MCTP1: variants seen among roughly 807,000 people sequenced by gnomAD.
MCTP1 encodes multiple C2 and transmembrane domain containing 1.
In MCTP1, 69 loss-of-function variants were observed where a neutral mutation model predicts 120.6. The ratio of observed to expected loss-of-function variants is 0.57; its 90% CI spans 0.47 to 0.70. MCTP1 has a LOEUF of 0.70. Among genes scored for constraint, MCTP1 ranks in the 30% least tolerant of loss-of-function variants. The pLI, the probability that MCTP1 is intolerant of heterozygous loss-of-function variation, is 0.00. For synonymous variants in MCTP1, 529 were observed against 493.1 expected (o/e 1.07, Z -0.96); for missense variants, 1,203 against 1,248.8 (o/e 0.96, Z 0.55).
chr5:94,886,735 GCTGA>G (rs1488190728), intron 12 of MCTP1, among the ~76,000 whole-genome samples: 1 of 152,070 alleles, frequency 6.6e-6, no homozygotes, highest in Non-Finnish European at 1.5e-5. Context: ...ACTTGTAGAG[GCTGA>G]CTGTTATTAT....
chr5:95,020,916 C>G (rs1838086226), intron 1 of MCTP1, among the ~76,000 whole-genome samples: 1 of 152,018 alleles, frequency 6.6e-6, no homozygotes, highest in African/African-American at 2.4e-5. Context: ...GATCTGCTTA[C>G]TTCTGTGTCA....
intron 2 of MCTP1, among the ~76,000 whole-genome samples, chr5:95,002,445 C>A (rs1470456632): frequency 6.6e-6 from 1 of 152,214 alleles, no homozygotes; most frequent in Non-Finnish European, 1.5e-5. Flanking sequence ...GGGCTAGTAT[C>A]CTGAAAAGCC....
chr5:94,928,980 G>A, intron 6 of MCTP1, among the ~76,000 whole-genome samples: 1 of 152,150 alleles, frequency 6.6e-6, no homozygotes, highest in East Asian at 1.9e-4. Flanking sequence ...TCCATTGAAA[G>A]AGCCTATTAT....
Position 94,865,240 on chromosome 5 carries a change from C to G in MCTP1, c.2436+3093G>C, listed in dbSNP as rs192111477. Among the ~76,000 whole-genome samples, 373 of 151,360 alleles carry G rather than the reference C, an allele frequency of 2.5e-3. 1 individual carries two copies. Among genetic ancestry groups the G allele is most frequent in the Non-Finnish European group, 3.2e-3 (216 of 67,798 alleles). On this transcript the variant is annotated intron_variant, in intron 17 of 22. Transcript: ENST00000515393. ...GTCCTAAGCCTGCATTTCTTGTGCT[C>G]TCTACTTCAATTGACATAGGGATTA...
At chr5:95,078,731 C>T (rs1754212660) in intron 1 of MCTP1, among the ~76,000 whole-genome samples, 1 of 152,094 alleles carries the variant, frequency 6.6e-6, no homozygotes, top group African/African-American at 2.4e-5. Context: ...CTGCAGCCTA[C>T]CTAGGTTCAA....
At chr5:94,798,603 A>G (rs1302091375) in intron 18 of MCTP1, among the ~76,000 whole-genome samples, 1 of 152,132 alleles carries the variant, frequency 6.6e-6, no homozygotes, top group Non-Finnish European at 1.5e-5. Context: ...TCTTCCAATG[A>G]CCGAGCACAA....
At chr5:95,276,370 T>C (rs144044995) in intron 1 of MCTP1, among the ~76,000 whole-genome samples, 4 of 147,030 alleles carry the variant, frequency 2.7e-5, no homozygotes, top group African/African-American at 1.0e-4. Context: ...GCGATTCTCC[T>C]GTCTCAGCCT....
At chr5:95,172,756 T>C (rs1407800393) in intron 1 of MCTP1, among the ~76,000 whole-genome samples, 2 of 152,194 alleles carry the variant, frequency 1.3e-5, no homozygotes, top group African/African-American at 2.4e-5. Context: ...ATGGTATCTC[T>C]TGTTCTGTTG....
intron 1 of MCTP1, among the ~76,000 whole-genome samples, chr5:95,268,372 A>G (rs1759078432): frequency 6.6e-6 from 1 of 152,242 alleles, no homozygotes; most frequent in African/African-American, 2.4e-5. Flanking sequence ...TTGGTTTATT[A>G]TATAGAACAT....
intron 17 of MCTP1, among the ~76,000 whole-genome samples, chr5:94,835,871 G>A (rs1165354393): frequency 3.9e-5 from 6 of 152,116 alleles, no homozygotes; most frequent in Non-Finnish European, 7.4e-5. Flanking sequence ...GGGTGTGGTG[G>A]TGGGCGCCTG....
At chr5:94,954,693 A>G (rs1208088302) in intron 2 of MCTP1, among the ~76,000 whole-genome samples, 1 of 152,216 alleles carries the variant, frequency 6.6e-6, no homozygotes, top group Non-Finnish European at 1.5e-5. Context: ...TGATTTAAAT[A>G]GTTTTAACAG....
intron 1 of MCTP1, among the ~76,000 whole-genome samples, chr5:95,167,286 AT>A (rs1232978666): frequency 2.0e-5 from 3 of 151,972 alleles, no homozygotes; most frequent in African/African-American, 7.3e-5. Context: ...TATGTGCCAC[AT>A]TTTCTTAATC....
In MCTP1 at chr5:94,917,933, C is replaced by T. The variant is rs147470115; in HGVS notation, c.1313G>A (p.Arg438Lys). The T allele has an allele frequency of 1.6e-4, 264 of 1,614,024 alleles. 1 individual carries two copies. The Middle Eastern group carries it at 2.8e-3, about 17-fold the overall frequency. Residue 438 changes from arginine to lysine, a missense_variant, in exon 8 of 23, where the codon AGA becomes AAA. Coordinates refer to ENST00000515393, the MANE Select transcript of MCTP1 (RefSeq NM_024717.7). ...RPALPVLGFCRAELQNPYCKN... is the reference protein window; with the variant it reads ...RPALPVLGFCKAELQNPYCKN... ...GCAATAAGGATTCTGAAGCTCTGCT[C>T]TGCAGAAGCCCAGGACAGGAAGAGC...
intron 1 of MCTP1, among the ~76,000 whole-genome samples, chr5:95,177,053 T>C (rs1748078807): frequency 6.6e-6 from 1 of 151,218 alleles, no homozygotes; most frequent in Non-Finnish European, 1.5e-5. Flanking sequence ...GAGAGAGACA[T>C]GAAATACACA....
chr5:94,845,429 AC>A (rs1373595413), intron 17 of MCTP1, among the ~76,000 whole-genome samples: 3 of 152,214 alleles, frequency 2.0e-5, no homozygotes. Context: ...TGTCTCCAAG[AC>A]ACGTGGGGAT....
At chr5:95,146,305 A>G (rs1190811908) in intron 1 of MCTP1, among the ~76,000 whole-genome samples, 2 of 152,054 alleles carry the variant, frequency 1.3e-5, no homozygotes, top group African/African-American at 4.8e-5. Context: ...CTAGTGTTCT[A>G]TACATCTTGT....
rs112096109 is a variant in MCTP1 at position 95,172,166 on chromosome 5, G to C, written c.720+111690C>G. Among the ~76,000 whole-genome samples the C allele has an allele frequency of 1.6e-3, 237 of 152,306 alleles. 4 individuals are homozygous for C. In the East Asian group the frequency reaches 0.039, roughly 25 times the overall value. On this transcript the variant is annotated intron_variant, in intron 1 of 22. Transcript: ENST00000515393. Reference sequence around the variant, plus strand: ...GCTGCAGGTCTGTTGGAGTTTGCTGGAGGTCCACTCCAGACCGTTTGCCTA... The same window carrying C: ...GCTGCAGGTCTGTTGGAGTTTGCTGCAGGTCCACTCCAGACCGTTTGCCTA...
chr5:94,744,521 T>G (rs2152767389), intron 19 of MCTP1, among the ~76,000 whole-genome samples: 1 of 151,928 alleles, frequency 6.6e-6, no homozygotes, highest in African/African-American at 2.4e-5. Context: ...TTTTTTTTTT[T>G]GAGACAGAGT....
At chr5:95,219,045 T>C (rs1006986625) in intron 1 of MCTP1, among the ~76,000 whole-genome samples, 1 of 152,174 alleles carries the variant, frequency 6.6e-6, no homozygotes, top group Non-Finnish European at 1.5e-5. Context: ...CCATCTATTT[T>C]GGGAAAAAAT....
Sources: gnomAD v4.1 joint callset for allele counts (sites outside exome capture counted in the v4.1 genomes callset) on GRCh38, gnomAD v4.1.1 for gene constraint, MANE v1.5 for transcripts, NCBI Gene and HGNC (gene_info 2026-07-23, HGNC 2026-07-21) for gene names.